Variants in DYNC1I1 observed in about 807,000 individuals in gnomAD.
The protein encoded by DYNC1I1 is cytoplasmic dynein 1 intermediate chain 1.
Under a neutral mutation model 86.6 loss-of-function variants are expected in DYNC1I1, and 43 were observed. The ratio of observed to expected loss-of-function variants is 0.50; its 90% CI spans 0.39 to 0.64. DYNC1I1 has a LOEUF of 0.64. DYNC1I1 is among the 30% of genes least tolerant of loss of function. The pLI, the probability that DYNC1I1 is intolerant of heterozygous loss-of-function variation, is 0.00. For synonymous variants in DYNC1I1, 262 were observed against 283.7 expected (o/e 0.92, Z 0.77); for missense variants, 604 against 788.8 (o/e 0.77, Z 2.81).
intron 6 of DYNC1I1, among the ~76,000 whole-genome samples, chr7:95,948,755 A>G (rs778291251): frequency 6.6e-6 from 1 of 152,160 alleles, no homozygotes; most frequent in Non-Finnish European, 1.5e-5. Context: ...CTTCCAAAAC[A>G]AGTGGGCATA....
intron 6 of DYNC1I1, among the ~76,000 whole-genome samples, chr7:95,874,747 G>A (rs1790264069): frequency 6.6e-6 from 1 of 152,200 alleles, no homozygotes; most frequent in Admixed American, 6.5e-5. Flanking sequence ...GAGCCAGAAA[G>A]AGAGCTTTCA....
intron 14 of DYNC1I1, among the ~76,000 whole-genome samples, chr7:96,072,778 A>G (rs1790208481): frequency 6.6e-6 from 1 of 152,184 alleles, no homozygotes; most frequent in Non-Finnish European, 1.5e-5. Context: ...TCTTTATGAA[A>G]ATTTTAATAC....
chr7:95,785,918 A>G (rs1200991046), intron 1 of DYNC1I1, among the ~76,000 whole-genome samples: 1 of 150,868 alleles, frequency 6.6e-6, no homozygotes, highest in East Asian at 2.0e-4. Context: ...ATGTATTGCA[A>G]ATGCTAAGGT....
At chr7:95,940,216 T>A (rs564243524) in intron 6 of DYNC1I1, among the ~76,000 whole-genome samples, 4,930 of 152,132 alleles carry the variant, frequency 0.032, 215 homozygotes, top group African/African-American at 0.097. Flanking sequence ...CCTTTCTCTC[T>A]GGCTGCCCTT....
chr7:95,940,893 G>A (rs1584182055), intron 6 of DYNC1I1, among the ~76,000 whole-genome samples: 2 of 152,324 alleles, frequency 1.3e-5, no homozygotes, highest in South Asian at 4.1e-4. Flanking sequence ...AGAGTTTCCA[G>A]TTTTTCTGCT....
intron 6 of DYNC1I1, among the ~76,000 whole-genome samples, chr7:95,930,635 T>C (rs1791867370): frequency 6.6e-6 from 1 of 152,200 alleles, no homozygotes; most frequent in South Asian, 2.1e-4. Flanking sequence ...ATTTAGAAAT[T>C]ACAAGATTGT....
chr7:96,102,382 C>T (rs191490637), downstream of DYNC1I1, among the ~76,000 whole-genome samples: 43 of 152,210 alleles, frequency 2.8e-4, no homozygotes, highest in East Asian at 1.7e-3. Flanking sequence ...ATATGCACTC[C>T]AGAGGGTGGG....
At chr7:95,955,178 G>A (rs1036005503) in intron 6 of DYNC1I1, among the ~76,000 whole-genome samples, 2 of 152,060 alleles carry the variant, frequency 1.3e-5, no homozygotes, top group Non-Finnish European at 2.9e-5. Context: ...ATGGATATGT[G>A]AATTAGCTTG....
chr7:95,784,055 A>G (rs776244533), intron 1 of DYNC1I1, among the ~76,000 whole-genome samples: 2 of 152,124 alleles, frequency 1.3e-5, no homozygotes, highest in Non-Finnish European at 2.9e-5. Flanking sequence ...CTGGGCCCCA[A>G]ATGGATGTGG....
chr7:96,104,294 T>C (rs989138565), intron 16 of DYNC1I1, among the ~76,000 whole-genome samples: 3 of 152,178 alleles, frequency 2.0e-5, no homozygotes, highest in Non-Finnish European at 4.4e-5. Flanking sequence ...ATATGTTTGT[T>C]ACAAACATTT....
At chr7:96,046,251 T>A (rs925263924) in intron 14 of DYNC1I1, among the ~76,000 whole-genome samples, 10 of 152,194 alleles carry the variant, frequency 6.6e-5, no homozygotes, top group Non-Finnish European at 1.2e-4. Context: ...ATTGTGTTGA[T>A]TTATTTTTAT....
rs566266490 is a variant in DYNC1I1 at position 96,072,378 on chromosome 7, A to G, written c.1510-3679A>G. ...TTTTCCTTTTTCCCTTTTCTTTAAC[A>G]GTTTGCTGATACTGAACATGACATA... On this transcript the variant is annotated intron_variant, in intron 14 of 16. Transcript: ENST00000447467. Among the ~76,000 whole-genome samples the G allele has an allele frequency of 7.1e-4, 108 of 152,256 alleles. 1 individual carries two copies. Among genetic ancestry groups the G allele is most frequent in the Middle Eastern group, 6.8e-3 (2 of 294 alleles).
chr7:95,833,710 G>A (rs1788990084), intron 5 of DYNC1I1, among the ~76,000 whole-genome samples: 1 of 147,970 alleles, frequency 6.8e-6, no homozygotes, highest in Non-Finnish European at 1.5e-5. Flanking sequence ...GGATTCCTAG[G>A]TATTTTATTC....
At chr7:95,954,731 G>A (rs528216674) in intron 6 of DYNC1I1, among the ~76,000 whole-genome samples, 8 of 151,934 alleles carry the variant, frequency 5.3e-5, no homozygotes, top group African/African-American at 1.9e-4. Context: ...GGCTAACACG[G>A]TGAAACCCCA....
At chr7:95,773,377 C>A (rs916883927) in intron 1 of DYNC1I1, among the ~76,000 whole-genome samples, 4 of 152,146 alleles carry the variant, frequency 2.6e-5, no homozygotes, top group Admixed American at 6.5e-5. Flanking sequence ...TGGTAAACAC[C>A]TTCACGGCCG....
intron 10 of DYNC1I1, among the ~76,000 whole-genome samples, chr7:96,019,660 C>A (rs1214441290): frequency 6.6e-6 from 1 of 151,956 alleles, no homozygotes; most frequent in Admixed American, 6.6e-5. Flanking sequence ...CAATAGAGTC[C>A]AGCTCTAATT....
chr7:95,976,944 C>T (rs566898222), intron 6 of DYNC1I1, among the ~76,000 whole-genome samples: 1 of 152,298 alleles, frequency 6.6e-6, no homozygotes, highest in East Asian at 1.9e-4. Context: ...ATGAACTGCT[C>T]TGAATGTGTA....
intron 9 of DYNC1I1, among the ~76,000 whole-genome samples, 177 bp downstream of exon 9, chr7:95,987,332 A>G (rs987101716): frequency 6.6e-6 from 1 of 152,074 alleles, no homozygotes; most frequent in African/African-American, 2.4e-5. Context: ...GTATTTATTG[A>G]GTACCTACTA....
chr7:95,789,947 C>T (rs1213836748), intron 1 of DYNC1I1, among the ~76,000 whole-genome samples: 2 of 152,204 alleles, frequency 1.3e-5, no homozygotes, highest in Non-Finnish European at 2.9e-5. Context: ...TAATTCTAAG[C>T]TGTTACATCA....
Sources: gnomAD v4.1 joint callset for allele counts (sites outside exome capture counted in the v4.1 genomes callset) on GRCh38, gnomAD v4.1.1 for gene constraint, MANE v1.5 for transcripts, NCBI Gene and HGNC (gene_info 2026-07-23, HGNC 2026-07-21) for gene names.